DENND6A: variants seen among roughly 807,000 people sequenced by gnomAD.
The protein encoded by DENND6A is protein DENND6A.
A neutral mutation model predicts 95.5 loss-of-function variants in DENND6A; 43 were observed. The ratio of observed to expected loss-of-function variants is 0.45; its 90% CI spans 0.35 to 0.58. DENND6A has a LOEUF of 0.58. DENND6A is among the 20% of genes least tolerant of loss of function. The pLI, the probability that DENND6A is intolerant of heterozygous loss-of-function variation, is 0.00. For synonymous variants in DENND6A, 257 were observed against 260.4 expected, an observed-to-expected ratio of 0.99 and a Z score of 0.13; for missense variants, 574 against 736.0, an observed-to-expected ratio of 0.78 and a Z score of 2.55.
intron 1 of DENND6A, among the ~76,000 whole-genome samples, chr3:57,678,710 T>C (rs191333489): frequency 2.0e-5 from 3 of 152,206 alleles, no homozygotes; most frequent in Admixed American, 1.3e-4. Flanking sequence ...AACACAGCCA[T>C]CTGCAAGCCA....
At chr3:57,665,480 T>C (rs1187482594) in intron 4 of DENND6A, among the ~76,000 whole-genome samples, 13 of 152,124 alleles carry the variant, frequency 8.5e-5, no homozygotes. Flanking sequence ...ACAGCTATTA[T>C]TATCATTGGT....
At chr3:57,631,716 C>CTTTT (rs1156532234) in intron 15 of DENND6A, among the ~76,000 whole-genome samples, 116 of 91,990 alleles carry the variant, frequency 1.3e-3, no homozygotes, top group African/African-American at 1.6e-3. Context: ...TCTCTGCTCT[C>CTTTT]TTTTTTTTTT....
intron 15 of DENND6A, among the ~76,000 whole-genome samples, chr3:57,631,976 C>T (rs1234581129): frequency 2.1e-5 from 3 of 144,172 alleles, no homozygotes; most frequent in South Asian, 2.2e-4. Flanking sequence ...CCCGCCTCGG[C>T]CTCCCAAAGT....
chr3:57,637,762 A>G (rs1456079446), intron 12 of DENND6A, among the ~76,000 whole-genome samples: 1 of 122,384 alleles, frequency 8.2e-6, no homozygotes, highest in African/African-American at 3.1e-5. Flanking sequence ...AATAAATAAG[A>G]CTTCAAAAAA....
rs1326955699 is a variant in DENND6A, at chr3:57,631,789, C to A, written c.1354-811G>T. ...CCAAGCTGGACTGCAGTGGCGCTAT[C>A]CCGGCTCACTGCAAGCTCTGCCTCT... On this transcript the variant is annotated intron_variant, in intron 15 of 19. Transcript: ENST00000311128. Among the ~76,000 whole-genome samples, 6 of 137,650 alleles carry A rather than the reference C, an allele frequency of 4.4e-5. No homozygotes were observed. The Admixed American group carries it at 4.6e-4, about 11-fold the overall frequency. 90.3% of individuals were successfully genotyped at this position (137,650 alleles called of 152,430 possible).
intron 9 of DENND6A, among the ~76,000 whole-genome samples, chr3:57,653,563 G>A (rs1449691617): frequency 1.3e-5 from 2 of 151,612 alleles, no homozygotes; most frequent in Non-Finnish European, 2.9e-5. Context: ...GGCTAACAAC[G>A]GTGAAACCCC....
chr3:57,688,480 C>G (rs2077231052), intron 1 of DENND6A, among the ~76,000 whole-genome samples: 1 of 151,996 alleles, frequency 6.6e-6, no homozygotes, highest in African/African-American at 2.4e-5. Context: ...CACAAGTGAA[C>G]AAAATGGGAC....
chr3:57,666,062 G>T, intron 4 of DENND6A, 61 bp downstream of exon 4: 1 of 1,403,404 alleles, frequency 7.1e-7, no homozygotes, highest in Non-Finnish European at 1.0e-6. Context: ...AGCGGTAACT[G>T]AATAAATGAG....
chr3:57,642,407 T>C (rs7641103), intron 11 of DENND6A, among the ~76,000 whole-genome samples: 1,981 of 151,990 alleles, frequency 0.013, 47 homozygotes, highest in African/African-American at 0.045. Context: ...AGGTAATATT[T>C]ACAGGAAGAC....
At chr3:57,683,765 T>C (rs1280593143) in intron 1 of DENND6A, among the ~76,000 whole-genome samples, 2 of 152,210 alleles carry the variant, frequency 1.3e-5, no homozygotes, top group Admixed American at 6.5e-5. Context: ...CAACACAGTA[T>C]AGTGGGGGGA....
At chr3:57,642,200 G>C (rs1273800296) in intron 11 of DENND6A, among the ~76,000 whole-genome samples, 1 of 151,328 alleles carries the variant, frequency 6.6e-6, no homozygotes, top group African/African-American at 2.4e-5. Context: ...TGTAATCCCA[G>C]CTACTCAGGA....
intron 9 of DENND6A, among the ~76,000 whole-genome samples, chr3:57,647,936 G>A (rs1429548558): frequency 1.3e-5 from 2 of 152,082 alleles, no homozygotes; most frequent in Non-Finnish European, 2.9e-5. Flanking sequence ...GGGAAGCCAG[G>A]TGTAGAATGT....
Position 57,641,640 on chromosome 3 carries a change from G to C in DENND6A, c.1132+13C>G, listed in dbSNP as rs1334017679. ...CTGCACACTAGAAACAGAACACCAA[G>C]TTTATACTTTACCTGTAGGTTTAAG... On this transcript the variant is annotated intron_variant, in intron 12 of 19. Coordinates refer to ENST00000311128, the MANE Select transcript of DENND6A (RefSeq NM_152678.3). 1 of 1,603,150 alleles carries C rather than the reference G, an allele frequency of 6.2e-7. No individual in the cohort carries two copies.
At chr3:57,654,110 G>A (rs759222756) in intron 9 of DENND6A, among the ~76,000 whole-genome samples, 179 of 149,318 alleles carry the variant, frequency 1.2e-3, no homozygotes, top group Non-Finnish European at 2.0e-3. Context: ...ACCACGCCCG[G>A]CTAATTTTTT....
chr3:57,656,180 G>A (rs2071321604), intron 9 of DENND6A, among the ~76,000 whole-genome samples: 1 of 152,120 alleles, frequency 6.6e-6, no homozygotes, highest in African/African-American at 2.4e-5. Flanking sequence ...CCCTTATGTA[G>A]TAGATTTCCT....
rs145055440 is a variant in DENND6A at position 57,688,574 on chromosome 3, C to T, written c.237+4208G>A. ...AAAAAGAGTTTGGCTAAAATTAGTACCATGGAAACCCAAAGTCAAGCAGAG... is the reference window on the plus strand; with the variant it reads ...AAAAAGAGTTTGGCTAAAATTAGTATCATGGAAACCCAAAGTCAAGCAGAG... On this transcript the variant is annotated intron_variant, in intron 1 of 19. Transcript: ENST00000311128. Among the ~76,000 whole-genome samples, 466 of 152,008 alleles carry T rather than the reference C, an allele frequency of 3.1e-3. 12 individuals are homozygous for T. Among genetic ancestry groups the T allele is most frequent in the Admixed American group, 0.027 (416 of 15,242 alleles).
intron 1 of DENND6A, among the ~76,000 whole-genome samples, chr3:57,681,153 A>G (rs2077160284): frequency 6.6e-6 from 1 of 152,088 alleles, no homozygotes; most frequent in Non-Finnish European, 1.5e-5. Context: ...ACATAGTGAG[A>G]CTCTGTCTCC....
At chr3:57,644,247 T>G (rs2071016873) in intron 11 of DENND6A, among the ~76,000 whole-genome samples, 1 of 151,724 alleles carries the variant, frequency 6.6e-6, no homozygotes, top group Admixed American at 6.6e-5. Flanking sequence ...AAAAGAAGTC[T>G]GCAAAGAAGA....
chr3:57,691,689 A>AACC (rs1257269472), intron 1 of DENND6A, among the ~76,000 whole-genome samples: 1 of 151,148 alleles, frequency 6.6e-6, no homozygotes, highest in Non-Finnish European at 1.5e-5. Context: ...AAAAAAAAAA[A>AACC]AAAACCAAAA....
Sources: allele counts gnomAD v4.1 joint callset (sites outside exome capture counted in the v4.1 genomes callset), GRCh38; gene constraint gnomAD v4.1.1; transcripts MANE v1.5; gene names NCBI Gene and HGNC (gene_info 2026-07-23, HGNC 2026-07-21).